AXDND1: variants seen among roughly 807,000 people sequenced by gnomAD.
The protein encoded by AXDND1 is axonemal dynein light chain domain-containing protein 1.
Under a neutral mutation model 137.5 loss-of-function variants are expected in AXDND1, and 110 were observed. The ratio of observed to expected loss-of-function variants is 0.80; its 90% CI spans 0.69 to 0.94. The LOEUF is 0.94. Ranked by LOEUF, AXDND1 falls within the 40% of genes least tolerant of loss-of-function variation. The probability of loss-of-function intolerance (pLI) is 0.00; values close to 1 mark genes in which losing one functional copy is unlikely to be tolerated. For missense variants in AXDND1, 1,191 were observed against 1,169.8 expected, an observed-to-expected ratio of 1.02 and a Z score of -0.26; for synonymous variants, 414 against 399.7, an observed-to-expected ratio of 1.04 and a Z score of -0.43.
chr1:179,454,682 T>C (rs1317161702), intron 16 of AXDND1: 2 of 152,154 alleles, frequency 1.3e-5, no homozygotes, highest in African/African-American at 4.8e-5. Context: ...AGGAAAAGTA[T>C]GGGGAAGGGA....
chr1:179,422,045 G>C, intron 12 of AXDND1, among the ~76,000 whole-genome samples: 1 of 130,150 alleles, frequency 7.7e-6, no homozygotes, highest in South Asian at 2.5e-4. Flanking sequence ...CATCTCAAAA[G>C]AAAAAAAAAA....
intron 8 of AXDND1, among the ~76,000 whole-genome samples, chr1:179,384,767 ATTTT>A (rs549019209): frequency 7.1e-6 from 1 of 141,306 alleles, no homozygotes; most frequent in Non-Finnish European, 1.6e-5. Context: ...AGAGGCACCA[ATTTT>A]TTTTTTTTTT....
At chr1:179,454,450 A>G (rs1274950825) in intron 16 of AXDND1, 1 of 152,492 alleles carries the variant, frequency 6.6e-6, no homozygotes, top group Non-Finnish European at 1.5e-5. Flanking sequence ...TATTAGCAGC[A>G]TGAAAATGGA....
chr1:179,465,364 T>G (rs969014604), intron 16 of AXDND1, among the ~76,000 whole-genome samples: 1 of 152,370 alleles, frequency 6.6e-6, no homozygotes, highest in Admixed American at 6.5e-5. Context: ...GCTGCAGGTC[T>G]GTTGGAGTTT....
chr1:179,508,211 C>G (rs939637648), intron 20 of AXDND1, among the ~76,000 whole-genome samples: 16 of 152,084 alleles, frequency 1.1e-4, no homozygotes, highest in African/African-American at 3.9e-4. Flanking sequence ...TGGTGCACAC[C>G]TGTGGTCCCA....
chr1:179,382,632 T>C, intron 6 of AXDND1, 68 bp from the exon 7 acceptor site: 2 of 1,097,660 alleles, frequency 1.8e-6, no homozygotes, highest in Non-Finnish European at 2.8e-6. Flanking sequence ...TGGGGGTTAG[T>C]TGTGCTAATT....
intron 7 of AXDND1, 36 bp downstream of exon 7, chr1:179,382,792 A>G: frequency 6.8e-7 from 1 of 1,479,644 alleles, no homozygotes. Flanking sequence ...CTTTCTCAGA[A>G]AGAATACCTA....
At chr1:179,409,823 A>AAAAAC (rs1653579388) in intron 11 of AXDND1, among the ~76,000 whole-genome samples, 1 of 152,220 alleles carries the variant, frequency 6.6e-6, no homozygotes, top group East Asian at 1.9e-4. Context: ...CAAAACAACA[A>AAAAAC]AAAACGAAAC....
intron 11 of AXDND1, among the ~76,000 whole-genome samples, chr1:179,395,445 C>T (rs1650902769): frequency 6.6e-6 from 1 of 152,062 alleles, no homozygotes; most frequent in South Asian, 2.1e-4. Flanking sequence ...GGATTGCAGG[C>T]TATTACTTTC....
chr1:179,491,480 T>C, intron 18 of AXDND1, 58 bp from the exon 19 acceptor site: 1 of 1,194,162 alleles, frequency 8.4e-7, no homozygotes, highest in East Asian at 2.4e-5. Flanking sequence ...TTTGGTGTGA[T>C]TTTTACTGTT....
At position 179,430,718 on chromosome 1, in the gene AXDND1, T is replaced by C. The variant is rs375186000; in HGVS notation, c.1487+112T>C. On this transcript the variant is annotated intron_variant, in intron 14 of 25. Coordinates refer to ENST00000367618, the MANE Select transcript of AXDND1 (RefSeq NM_144696.6). ...CCTTGTAATCACTCTAACATTGATT[T>C]TGGGGAGCAGTCCCTATGAAGGCAC... 83 of 1,225,002 alleles carry C rather than the reference T, an allele frequency of 6.8e-5. No homozygotes were observed. The East Asian group carries it at 1.9e-3, about 28-fold the overall frequency. The allele number at this position is 1,225,002 out of a possible 1,614,324, so 75.9% of individuals were successfully genotyped here.
intron 25 of AXDND1, chr1:179,546,054 A>G (rs1193547822): frequency 6.6e-6 from 1 of 152,188 alleles, no homozygotes; most frequent in Non-Finnish European, 1.5e-5. Flanking sequence ...TGCTACCACC[A>G]AACAAACACC....
intron 25 of AXDND1, 57 bp from the exon 26 acceptor site, chr1:179,554,455 G>T (rs770604019): frequency 1.2e-6 from 2 of 1,613,792 alleles, no homozygotes; most frequent in East Asian, 4.5e-5. Context: ...TACAGTTCTT[G>T]CTAGTTAATT....
intron 9 of AXDND1, among the ~76,000 whole-genome samples, chr1:179,391,690 C>T (rs2125128738): frequency 6.6e-6 from 1 of 152,102 alleles, no homozygotes; most frequent in East Asian, 1.9e-4. Flanking sequence ...GTATGCATTA[C>T]CATGCCCAGC....
chr1:179,429,987 C>A (rs939366060), intron 13 of AXDND1, among the ~76,000 whole-genome samples: 1 of 149,474 alleles, frequency 6.7e-6, no homozygotes, highest in Non-Finnish European at 1.5e-5. Context: ...TAGCATGTTT[C>A]TACTGAGTCA....
At chr1:179,463,836 G>A (rs1662730012) in intron 16 of AXDND1, among the ~76,000 whole-genome samples, 1 of 152,136 alleles carries the variant, frequency 6.6e-6, no homozygotes, top group Non-Finnish European at 1.5e-5. Context: ...AGGATAGTTA[G>A]CTCTTCTTGT....
At chr1:179,467,732 A>G (rs1663397760) in intron 16 of AXDND1, among the ~76,000 whole-genome samples, 1 of 152,240 alleles carries the variant, frequency 6.6e-6, no homozygotes, top group East Asian at 1.9e-4. Context: ...TTAGCAGATC[A>G]TTTTGAATAT....
At chr1:179,485,844 G>A (rs1056387748) in intron 18 of AXDND1, among the ~76,000 whole-genome samples, 19 of 152,088 alleles carry the variant, frequency 1.2e-4, no homozygotes, top group African/African-American at 2.9e-4. Context: ...ACCACCAGGC[G>A]CGGTGGCTTA....
rs752014122 is a variant in AXDND1, at chr1:179,378,705, C to A, written c.443C>A (p.Pro148Gln). The change falls in exon 5 of 26, where the codon CCA (proline) becomes CAA (glutamine). Residue 148 changes from proline (P) to glutamine (Q), a missense_variant. Coordinates refer to ENST00000367618, the MANE Select transcript of AXDND1 (RefSeq NM_144696.6). ...GQTREKAVCPPHLARSLQSHD... is the reference protein window; with the variant it reads ...GQTREKAVCPQHLARSLQSHD... ...ACTAGGGAGAAGGCAGTTTGTCCCC[C>A]ACATTTGGCCCGTTCATTACAGTCA... 9 of 1,596,526 alleles carry A rather than the reference C, an allele frequency of 5.6e-6. No individual in the cohort carries two copies. The highest frequency in any genetic ancestry group is 1.3e-5 in the African/African-American group (1 of 74,686).
Sources: allele counts gnomAD v4.1 joint callset (sites outside exome capture counted in the v4.1 genomes callset), GRCh38; gene constraint gnomAD v4.1.1; transcripts MANE v1.5; gene names NCBI Gene and HGNC (gene_info 2026-07-23, HGNC 2026-07-21).